The following ELP2 variants were observed in gnomAD, a reference collection of about 807,000 sequenced individuals.
ELP2 encodes elongator acetyltransferase complex subunit 2.
A neutral mutation model predicts 119.2 loss-of-function variants in ELP2; 90 were observed. The ratio of observed to expected loss-of-function variants is 0.75; its 90% confidence interval spans 0.64 to 0.90. The LOEUF is 0.90. Among genes scored for constraint, ELP2 ranks in the 40% least tolerant of loss-of-function variants. ELP2 has a pLI of 0.00. For missense variants in ELP2, 921 were observed against 967.8 expected (o/e 0.95, Z 0.64); for synonymous variants, 339 against 331.0 (o/e 1.02, Z -0.26).
chr18:36,139,730 T>TA, intron 5 of ELP2: 1 of 840,500 alleles, frequency 1.2e-6, no homozygotes, highest in South Asian at 2.0e-5. Flanking sequence ...AAAAGTCTCT[T>TA]ATCTAGCAGA....
At chr18:36,172,260 C>A (rs973771771) in intron 21 of ELP2, among the ~76,000 whole-genome samples, 1 of 151,970 alleles carries the variant, frequency 6.6e-6, no homozygotes, top group Non-Finnish European at 1.5e-5. Context: ...GAGAGCCTGT[C>A]CCCCCCAAAA....
intron 11 of ELP2, among the ~76,000 whole-genome samples, chr18:36,146,884 A>G (rs2090222796): frequency 6.6e-6 from 1 of 152,138 alleles, no homozygotes; most frequent in Non-Finnish European, 1.5e-5. Context: ...CTGTCTCTCT[A>G]CAGCATTCCT....
chr18:36,142,158 T>C (rs79184296), intron 6 of ELP2, 123 bp from the exon 7 acceptor site: 62,669 of 803,306 alleles, frequency 0.078, 3,052 homozygotes, highest in Middle Eastern at 0.11. Context: ...TTTTCTTGTC[T>C]AATCAAATAG....
At chr18:36,148,186 C>T (rs1466116796) in intron 11 of ELP2, among the ~76,000 whole-genome samples, 3 of 151,722 alleles carry the variant, frequency 2.0e-5, no homozygotes, top group Admixed American at 6.6e-5. Context: ...CTCCGCCTCC[C>T]GAGTTCACAC....
intron 9 of ELP2, chr18:36,145,483 A>G: frequency 3.4e-6 from 1 of 290,496 alleles, no homozygotes; most frequent in South Asian, 3.5e-5. Flanking sequence ...GTGCATGTTC[A>G]GGCTGGTGCT....
chr18:36,143,320 C>T (rs1175744125), intron 8 of ELP2, among the ~76,000 whole-genome samples: 1 of 151,936 alleles, frequency 6.6e-6, no homozygotes, highest in Non-Finnish European at 1.5e-5. Flanking sequence ...TGGGGTTTCA[C>T]CATGTTAGCC....
At chr18:36,150,276 C>G (rs1306237371) in intron 11 of ELP2, among the ~76,000 whole-genome samples, 9 of 152,198 alleles carry the variant, frequency 5.9e-5, no homozygotes, top group African/African-American at 2.2e-4. Flanking sequence ...GTTCATCTGA[C>G]ACTGCAGAAT....
chr18:36,135,481 G>T (rs759027827), intron 2 of ELP2, among the ~76,000 whole-genome samples: 12 of 152,124 alleles, frequency 7.9e-5, no homozygotes, highest in Non-Finnish European at 1.8e-4. Flanking sequence ...ACATGAACCT[G>T]GGCCTTCTGA....
chr18:36,164,748 G>A lies in ELP2; in HGVS notation c.1954+81G>A, dbSNP rs923726719. The A allele has an allele frequency of 5.1e-6, 7 of 1,366,600 alleles. No individual in the cohort carries two copies. The African/African-American group carries it at 1.0e-4, about 20-fold the overall frequency. The allele number at this position is 1,366,600 out of a possible 1,614,324, so 84.7% of individuals were successfully genotyped here. A position where few individuals can be genotyped will look rare whatever the true frequency, so the allele number is the denominator to read the frequency against. On this transcript the variant is annotated intron_variant, in intron 18 of 21. Transcript: ENST00000358232. ...CTACATTAAGCAGCTTTAGTTAAGAGAAAGATAACAGAGTGAAGGGTAGAG... is the reference window on the plus strand; with the variant it reads ...CTACATTAAGCAGCTTTAGTTAAGAAAAAGATAACAGAGTGAAGGGTAGAG...
At chr18:36,148,264 T>C (rs2090277421) in intron 11 of ELP2, among the ~76,000 whole-genome samples, 1 of 152,042 alleles carries the variant, frequency 6.6e-6, no homozygotes, top group African/African-American at 2.4e-5. Flanking sequence ...TGGCTAATTT[T>C]TTGTATTTTT....
chr18:36,138,849 T>C lies in ELP2; in HGVS notation c.500T>C (p.Leu167Ser), dbSNP rs765162733. The C allele has an allele frequency of 1.2e-6, 2 of 1,613,936 alleles. No homozygotes were observed. Among genetic ancestry groups the C allele is most frequent in the Non-Finnish European group, 1.7e-6 (2 of 1,179,890 alleles). The change falls in exon 5 of 22, where the codon TTA (leucine) becomes TCA (serine). Residue 167 changes from leucine to serine, a missense_variant. By Grantham distance (145) the Leu-to-Ser change is moderately radical. Transcript: ENST00000358232. ...AATGGATTTGCTTTGGCTCTCTGCT[T>C]ATCTTTTTTGCCAAATACTGATGGT... Reference protein sequence around the residue: ...FGNGFALALCLSFLPNTDVPI... With the variant: ...FGNGFALALCSSFLPNTDVPI...
intron 11 of ELP2, among the ~76,000 whole-genome samples, chr18:36,152,786 CTG>C (rs2090444001): frequency 6.6e-6 from 1 of 152,206 alleles, no homozygotes; most frequent in South Asian, 2.1e-4. Flanking sequence ...CTCTTCCACT[CTG>C]TAGCATTTAA....
chr18:36,161,349 C>T (rs1320340108), intron 17 of ELP2, among the ~76,000 whole-genome samples: 1 of 152,032 alleles, frequency 6.6e-6, no homozygotes, highest in East Asian at 1.9e-4. Context: ...GTCAAGATCG[C>T]GCCACTGCAC....
Position 36,171,112 on chromosome 18 carries a change from A to C in ELP2, c.2276A>C (p.Gln759Pro). Reference sequence around the variant, plus strand: ...TTATATACCTGGAAAAAGACTGATCAAGTTCCAGAAATAAATGACTGGACC... The same window carrying C: ...TTATATACCTGGAAAAAGACTGATCCAGTTCCAGAAATAAATGACTGGACC... ...ICLYTWKKTD[Q>P]VPEINDWTHC... The change falls in exon 21 of 22, where the codon CAA becomes CCA. Residue 759 changes from glutamine to proline, a missense_variant. Physicochemically the swap from Gln to Pro is moderately conservative, Grantham distance 76. Coordinates refer to ENST00000358232, the MANE Select transcript of ELP2 (RefSeq NM_018255.4). 6.2e-7 allele frequency: 1 copy of C among 1,614,156 alleles called. No individual in the cohort carries two copies. Among genetic ancestry groups the C allele is most frequent in the Non-Finnish European group, 8.5e-7 (1 of 1,179,946 alleles).
chr18:36,137,494 A>G (rs1278856157), intron 3 of ELP2, among the ~76,000 whole-genome samples: 2 of 152,326 alleles, frequency 1.3e-5, no homozygotes, highest in South Asian at 2.1e-4. Context: ...CATTTAAGGA[A>G]CACCACTATT....
At chr18:36,171,715 T>C (rs2091086089) in intron 21 of ELP2, among the ~76,000 whole-genome samples, 1 of 152,166 alleles carries the variant, frequency 6.6e-6, no homozygotes, top group Non-Finnish European at 1.5e-5. Context: ...TTACAGGTTT[T>C]ATTCTTTTTG....
rs2091199995 is a variant in ELP2 at position 36,175,342 on chromosome 18, C to T, written c.*701C>T. Reference sequence around the variant, plus strand: ...TTACTTAATTTTATTTTAACATTTTCTATAGATAGCATACCACGCCAAGTG... The same window carrying T: ...TTACTTAATTTTATTTTAACATTTTTTATAGATAGCATACCACGCCAAGTG... On this transcript the variant is annotated 3_prime_UTR_variant, in exon 22 of 22. Coordinates refer to ENST00000358232, the MANE Select transcript of ELP2 (RefSeq NM_018255.4). The T allele has an allele frequency of 6.6e-6, 1 of 152,176 alleles. No individual in the cohort carries two copies. The highest frequency in any genetic ancestry group is 1.5e-5 in the Non-Finnish European group (1 of 68,046). The allele number at this position is 152,176 out of a possible 1,614,324, so 9.4% of individuals were successfully genotyped here.
At chr18:36,137,423 C>T (rs531753491) in intron 3 of ELP2, among the ~76,000 whole-genome samples, 86 of 152,266 alleles carry the variant, frequency 5.6e-4, no homozygotes, top group African/African-American at 1.9e-3. Context: ...GTATTATGTG[C>T]ATCTTCTTTA....
rs1430234419 is a variant in ELP2, at chr18:36,179,285, A to C, written c.*4644A>C. 4 of 142,280 alleles carry C rather than the reference A, an allele frequency of 2.8e-5. No homozygotes were observed. Among genetic ancestry groups the C allele is most frequent in the Non-Finnish European group, 6.1e-5 (4 of 65,906 alleles). 8.8% of individuals were successfully genotyped at this position (142,280 alleles called of 1,614,324 possible). On this transcript the variant is annotated 3_prime_UTR_variant, in exon 22 of 22. Transcript: ENST00000358232. ...GAGACCAGCCTGGCCAACATGGTGA[A>C]ACCCCATCTCTACTAAAAATACAAA...
Sources: allele counts gnomAD v4.1 joint callset (sites outside exome capture counted in the v4.1 genomes callset), GRCh38; gene constraint gnomAD v4.1.1; transcripts MANE v1.5; gene names NCBI Gene and HGNC (gene_info 2026-07-23, HGNC 2026-07-21).